The following CCDC50 variants were observed in gnomAD, a reference collection of about 807,000 sequenced individuals.
The protein encoded by CCDC50 is coiled-coil domain containing 50, also known as coiled-coil domain-containing protein 50.
CCDC50 carries 54 observed loss-of-function variants against 70.2 expected under a neutral mutation model. That is an observed-to-expected ratio of 0.77 (90% CI 0.62 to 0.96). CCDC50 has a LOEUF of 0.96. Among genes scored for constraint, CCDC50 ranks in the 50% least tolerant of loss-of-function variants. The pLI is 0.00. For missense variants in CCDC50, 558 were observed against 578.7 expected (o/e 0.96, Z 0.37); for synonymous variants, 216 against 198.8 (o/e 1.09, Z -0.73).
intron 1 of CCDC50, among the ~76,000 whole-genome samples, chr3:191,333,115 T>C (rs761995137): frequency 6.6e-6 from 1 of 152,222 alleles, no homozygotes; most frequent in Non-Finnish European, 1.5e-5. Context: ...TCTGTGTGTG[T>C]TGGTGTGCAT....
intron 1 of CCDC50, among the ~76,000 whole-genome samples, chr3:191,355,656 T>G (rs1712252707): frequency 6.6e-6 from 1 of 152,196 alleles, no homozygotes; most frequent in African/African-American, 2.4e-5. Flanking sequence ...GAAACTACTT[T>G]TATTCTGTGA....
In CCDC50 at chr3:191,358,034, G is replaced by T; in HGVS notation, c.149G>T (p.Arg50Leu). The change falls in exon 3 of 12, where the codon CGT (arginine) becomes CTT (leucine). Residue 50 changes from arginine to leucine, a missense_variant. Physicochemically the swap from Arg to Leu is moderately radical, Grantham distance 102. Transcript: ENST00000392455. ...TTGGCATCGAACGTTCAGCGGAACC[G>T]TTTGGTCCAGCATGATCTCCAGGTG... ...HHLASNVQRNRLVQHDLQVAK... is the reference protein window; with the variant it reads ...HHLASNVQRNLLVQHDLQVAK... 6.2e-7 allele frequency: 1 copy of T among 1,613,948 alleles called. No homozygotes were observed. Among genetic ancestry groups the T allele is most frequent in the South Asian group, 1.1e-5 (1 of 91,074 alleles).
chr3:191,336,713 A>T (rs1249280396), intron 1 of CCDC50, among the ~76,000 whole-genome samples: 1 of 152,220 alleles, frequency 6.6e-6, no homozygotes, highest in East Asian at 1.9e-4. Flanking sequence ...TAGTTTTTAT[A>T]TACAGACTAT....
chr3:191,351,429 A>G lies in CCDC50; in HGVS notation c.50-5659A>G, dbSNP rs140537917. ...ATACAAATTTTGTCTCTATTTTTCT[A>G]CTGATTGCCAAGGGGAGGGCAGACA... On this transcript the variant is annotated intron_variant, in intron 1 of 11. Coordinates refer to ENST00000392455, the MANE Select transcript of CCDC50 (RefSeq NM_178335.3). 1.1e-3 allele frequency among the ~76,000 whole-genome samples: 151 copies of G among 141,334 alleles called. 28 individuals are homozygous for G. The highest frequency in any genetic ancestry group is 1.9e-3 in the Non-Finnish European group (119 of 62,788). 92.7% of individuals were successfully genotyped at this position (141,334 alleles called of 152,430 possible). A position where few individuals can be genotyped will look rare whatever the true frequency, so the allele number is the denominator to read the frequency against.
intron 5 of CCDC50, among the ~76,000 whole-genome samples, chr3:191,370,962 A>C (rs1454125967): frequency 2.0e-5 from 3 of 152,162 alleles, no homozygotes; most frequent in African/African-American, 7.2e-5. Context: ...TCTGGACTTA[A>C]CCTTTCTCAA....
chr3:191,357,006 G>GT (rs1712307722), intron 1 of CCDC50, 82 bp from the exon 2 acceptor site: 16 of 868,718 alleles, frequency 1.8e-5, no homozygotes, highest in Admixed American at 5.9e-5. Flanking sequence ...TTTTTTTAAA[G>GT]TAAAAAAAAA....
intron 9 of CCDC50, among the ~76,000 whole-genome samples, chr3:191,382,448 A>G (rs893451812): frequency 6.6e-6 from 1 of 152,176 alleles, no homozygotes; most frequent in African/African-American, 2.4e-5. Flanking sequence ...CTAGGGAAGC[A>G]TGTTCCTGTG....
At chr3:191,365,349 C>T (rs1352567548) in intron 4 of CCDC50, among the ~76,000 whole-genome samples, 1 of 151,690 alleles carries the variant, frequency 6.6e-6, no homozygotes, top group Admixed American at 6.6e-5. Flanking sequence ...ATTAGAATTT[C>T]ATGTTCTAAA....
intron 1 of CCDC50, among the ~76,000 whole-genome samples, chr3:191,334,015 T>C (rs1180420318): frequency 1.3e-5 from 2 of 152,172 alleles, no homozygotes; most frequent in Non-Finnish European, 2.9e-5. Context: ...AGTAAAATTT[T>C]CTAAATGCTA....
At chr3:191,360,992 A>G in intron 3 of CCDC50, 77 bp from the exon 4 acceptor site, 1 of 1,009,212 alleles carries the variant, frequency 9.9e-7, no homozygotes, top group Non-Finnish European at 1.5e-6. Flanking sequence ...TGAGTATTCA[A>G]TAAATTGTAT....
chr3:191,397,771 G>C lies in CCDC50; in HGVS notation c.*6011G>C, dbSNP rs553787450. 1 of 152,304 alleles carries C rather than the reference G, an allele frequency of 6.6e-6. No individual in the cohort carries two copies. Among genetic ancestry groups the C allele is most frequent in the South Asian group, 2.1e-4 (1 of 4,824 alleles). 9.4% of individuals were successfully genotyped at this position (152,304 alleles called of 1,614,324 possible). A position where few individuals can be genotyped will look rare whatever the true frequency, so the allele number is the denominator to read the frequency against. The stretch of plus-strand genomic sequence containing the variant: ...TGTGGATATATTTATAAAACAAATG[G>C]ATTGTTATTCCAAATCCACATGGAT... On this transcript the variant is annotated 3_prime_UTR_variant, in exon 12 of 12. Coordinates refer to ENST00000392455, the MANE Select transcript of CCDC50 (RefSeq NM_178335.3).
chr3:191,368,385 C>G (rs541010616), intron 4 of CCDC50, among the ~76,000 whole-genome samples: 1 of 151,742 alleles, frequency 6.6e-6, no homozygotes, highest in South Asian at 2.1e-4. Context: ...GATTACTTAT[C>G]AAAAAAATAC....
In CCDC50 at chr3:191,361,180, C is replaced by G. The variant is rs777323210; in HGVS notation, c.330+21C>G. ...ATGAGGTATAACTTAGTTACTGCCCCTCTCCCTCATGGAGAAAGGGGTGCT... is the reference window on the plus strand; with the variant it reads ...ATGAGGTATAACTTAGTTACTGCCCGTCTCCCTCATGGAGAAAGGGGTGCT... On this transcript the variant is annotated intron_variant, in intron 4 of 11. Coordinates refer to ENST00000392455, the MANE Select transcript of CCDC50 (RefSeq NM_178335.3). 5.7e-6 allele frequency: 9 copies of G among 1,566,216 alleles called. 1 individual carries two copies. Among genetic ancestry groups the G allele is most frequent in the South Asian group, 5.5e-5 (5 of 90,164 alleles).
At chr3:191,360,054 G>C (rs974459780) in intron 3 of CCDC50, among the ~76,000 whole-genome samples, 1 of 152,214 alleles carries the variant, frequency 6.6e-6, no homozygotes, top group Non-Finnish European at 1.5e-5. Context: ...AAGTCTTTCA[G>C]TTCACTCCCT....
Position 191,395,149 on chromosome 3 carries a change from C to G in CCDC50, c.*3389C>G, listed in dbSNP as rs1171441036. The stretch of plus-strand genomic sequence containing the variant: ...TGTGTGACCTTGGGCTTTGTGTTTA[C>G]TGAACTCACTCTAGAAAATTCTGGA... On this transcript the variant is annotated 3_prime_UTR_variant, in exon 12 of 12. Coordinates refer to ENST00000392455, the MANE Select transcript of CCDC50 (RefSeq NM_178335.3). The G allele has an allele frequency of 8.2e-6, 1 of 121,266 alleles. No homozygotes were observed. Among genetic ancestry groups the G allele is most frequent in the Non-Finnish European group, 1.7e-5 (1 of 58,550 alleles). The allele number at this position is 121,266 out of a possible 1,614,324, so 7.5% of individuals were successfully genotyped here.
At chr3:191,344,132 G>A (rs1358909066) in intron 1 of CCDC50, among the ~76,000 whole-genome samples, 3 of 152,232 alleles carry the variant, frequency 2.0e-5, no homozygotes, top group Non-Finnish European at 2.9e-5. Flanking sequence ...GAATTATGCA[G>A]TGTGCTTGCA....
In CCDC50 at chr3:191,357,997, G is replaced by A; in HGVS notation, c.113-1G>A. On this transcript the variant is annotated splice_acceptor_variant, in intron 2 of 11. Transcript: ENST00000392455. LOFTEE classifies it high-confidence loss of function. ...TCCTGTCCTCAATCTTTTTGTTCCA[G>A]TTGAGCATCATTTGGCATCGAACGT... 1 of 1,613,934 alleles carries A rather than the reference G, an allele frequency of 6.2e-7. No individual in the cohort carries two copies. Among genetic ancestry groups the A allele is most frequent in the Admixed American group, 1.7e-5 (1 of 60,018 alleles).
At chr3:191,341,335 C>T (rs978621952) in intron 1 of CCDC50, among the ~76,000 whole-genome samples, 1 of 152,146 alleles carries the variant, frequency 6.6e-6, no homozygotes, top group African/African-American at 2.4e-5. Context: ...CATACCTTAT[C>T]TAATTTAGTC....
rs1255796339 is a variant in CCDC50, at chr3:191,392,218, GTATTCT to G, written c.*460_*465del. The G allele has an allele frequency of 1.2e-5, 2 of 160,730 alleles. No individual in the cohort carries two copies. The highest frequency in any genetic ancestry group is 2.7e-5 in the Non-Finnish European group (2 of 72,744). The allele number at this position is 160,730 out of a possible 1,614,324, so 10.0% of individuals were successfully genotyped here. On this transcript the variant is annotated 3_prime_UTR_variant, in exon 12 of 12. Coordinates refer to ENST00000392455, the MANE Select transcript of CCDC50 (RefSeq NM_178335.3). ...TTGAAGGACAGAGCCTTTGCTTTTTGTATTCTTTAAGAAAAGCACAACCATAAAGTA... is the reference window on the plus strand; with the variant it reads ...TTGAAGGACAGAGCCTTTGCTTTTTGTTAAGAAAAGCACAACCATAAAGTA...
Sources: allele counts gnomAD v4.1 joint callset (sites outside exome capture counted in the v4.1 genomes callset), GRCh38; gene constraint gnomAD v4.1.1; transcripts MANE v1.5; gene names NCBI Gene and HGNC (gene_info 2026-07-23, HGNC 2026-07-21).